Variants in ACSBG1 observed in about 807,000 individuals in gnomAD.
ACSBG1 encodes long-chain-fatty-acid--CoA ligase ACSBG1.
ACSBG1 carries 39 observed loss-of-function variants against 80.2 expected under a neutral mutation model. The observed-to-expected ratio is 0.49, with a 90% CI of 0.38 to 0.64. The LOEUF is 0.64. ACSBG1 is among the 30% of genes least tolerant of loss of function. The pLI is 0.00. For synonymous variants in ACSBG1, 392 were observed against 379.5 expected (o/e 1.03, Z -0.38); for missense variants, 828 against 966.4 (o/e 0.86, Z 1.90).
rs572882921 is a variant in ACSBG1 at position 78,212,549 on chromosome 15, G to A, written c.132-4447C>T. On this transcript the variant is annotated intron_variant, in intron 1 of 13. Coordinates refer to ENST00000258873, the MANE Select transcript of ACSBG1 (RefSeq NM_015162.5). ...GGAAGGTGGGCTCCTTGTTCCTTAC[G>A]CAGTCCTCAGGATGGAGCTGGCAGA... 210 of 455,906 alleles carry A rather than the reference G, an allele frequency of 4.6e-4. 5 individuals carry two copies. The highest frequency in any genetic ancestry group is 2.4e-3 in the South Asian group (152 of 64,558). 28.2% of individuals were successfully genotyped at this position (455,906 alleles called of 1,614,324 possible).
intron 9 of ACSBG1, 47 bp from the exon 10 acceptor site, chr15:78,179,827 AC>A: frequency 3.1e-6 from 4 of 1,297,380 alleles, no homozygotes; most frequent in Non-Finnish European, 4.4e-6. Context: ...ACACACACAC[AC>A]ACACACACAC....
intron 1 of ACSBG1, among the ~76,000 whole-genome samples, chr15:78,228,748 A>G (rs2075423777): frequency 6.6e-6 from 1 of 152,156 alleles, no homozygotes; most frequent in African/African-American, 2.4e-5. Context: ...ATAGTCCCAA[A>G]TCTGCCCTGT....
intron 1 of ACSBG1, among the ~76,000 whole-genome samples, chr15:78,217,691 C>T (rs1423828292): frequency 3.9e-5 from 6 of 152,098 alleles, no homozygotes; most frequent in Admixed American, 1.3e-4. Context: ...CTCAGCTCCC[C>T]GAGTAGCTGG....
Position 78,208,101 on chromosome 15 carries a change from A to G in ACSBG1, c.133T>C (p.Ser45Pro). The G allele has an allele frequency of 6.2e-7, 1 of 1,613,278 alleles. No individual in the cohort carries two copies. Among genetic ancestry groups the G allele is most frequent in the Non-Finnish European group, 8.5e-7 (1 of 1,179,582 alleles). ...GAGAGTGGCTGCCTGTCAGTCAGTG[A>G]GCTGGGGTGGTGAGGGGACCAGGAA... Reference protein sequence around the residue: ...RTTQEKLKTSSLTDRQPLSKE... With the variant: ...RTTQEKLKTSPLTDRQPLSKE... Residue 45 changes from serine (S) to proline (P), a missense_variant and splice_region_variant, in exon 2 of 14, where the codon TCA becomes CCA. Transcript: ENST00000258873.
At position 78,177,456 on chromosome 15, in the gene ACSBG1, C is replaced by A; in HGVS notation, c.1702+1158G>T. Among the ~76,000 whole-genome samples the A allele has an allele frequency of 6.6e-6, 1 of 152,330 alleles. No homozygotes were observed. Among genetic ancestry groups the A allele is most frequent in the South Asian group, 2.1e-4 (1 of 4,826 alleles). ...ACCCTTACCTCTCACTATACTAGTT[C>A]TAAAAGGAGGGCCGGCTCTGGTTGA... On this transcript the variant is annotated intron_variant, in intron 11 of 13. Coordinates refer to ENST00000258873, the MANE Select transcript of ACSBG1 (RefSeq NM_015162.5). The surrounding 1 kb of genome is among the most constrained non-coding windows in gnomAD (Gnocchi z 4.1).
At chr15:78,173,240 G>A (rs977478381) in intron 13 of ACSBG1, among the ~76,000 whole-genome samples, 1 of 150,022 alleles carries the variant, frequency 6.7e-6, no homozygotes, top group Admixed American at 6.7e-5. Flanking sequence ...AGCTACTCGG[G>A]AGGCTGAGGC....
rs1017878522 is a variant in ACSBG1 at position 78,178,856 on chromosome 15, T to C, written c.1485-25A>G. On this transcript the variant is annotated intron_variant, in intron 10 of 13. Coordinates refer to ENST00000258873, the MANE Select transcript of ACSBG1 (RefSeq NM_015162.5). This position sits in a 1 kb window ranked among gnomAD's most constrained non-coding sequence, Gnocchi z 4.3. ...GCTGGCGAGGGAGGGGCCGGGAGACTGGTCAGAGGGAGCCGTCTCCTCCAA... is the reference window on the plus strand; with the variant it reads ...GCTGGCGAGGGAGGGGCCGGGAGACCGGTCAGAGGGAGCCGTCTCCTCCAA... The C allele has an allele frequency of 2.5e-6, 4 of 1,582,866 alleles. No individual in the cohort carries two copies. In the Admixed American group the frequency reaches 7.0e-5, roughly 28 times the overall value.
chr15:78,199,883 C>T (rs2075151186), intron 2 of ACSBG1, among the ~76,000 whole-genome samples: 1 of 152,084 alleles, frequency 6.6e-6, no homozygotes, highest in Non-Finnish European at 1.5e-5. Flanking sequence ...ATTAACATGC[C>T]TGCCTCATTG....
chr15:78,218,246 C>T (rs1221324906), intron 1 of ACSBG1, among the ~76,000 whole-genome samples: 1 of 148,756 alleles, frequency 6.7e-6, no homozygotes, highest in Non-Finnish European at 1.5e-5. Flanking sequence ...CTGCCTATTC[C>T]TCAGACTCCA....
rs201005168 is a variant in ACSBG1 at position 78,234,456 on chromosome 15, G to A, written c.46C>T (p.Pro16Ser). 1.9e-6 allele frequency: 3 copies of A among 1,612,906 alleles called. No individual in the cohort carries two copies. In the East Asian group the frequency reaches 6.7e-5, roughly 36 times the overall value. ...GAGYGCPHGD[P>S]SMLDSRETPQ... ...GTCTCTCTGCTGTCCAGCATGCTGG[G>A]GTCCCCGTGTGGGCAGCCGTATCCA... The change falls in exon 1 of 14, where the codon CCC becomes TCC. Residue 16 changes from proline (P) to serine (S), a missense_variant. By Grantham distance (74) the Pro-to-Ser change is moderately conservative (BLOSUM62 -1). Transcript: ENST00000258873.
intron 1 of ACSBG1, among the ~76,000 whole-genome samples, chr15:78,215,162 ACCTCT>A (rs2075297305): frequency 6.6e-6 from 1 of 151,964 alleles, no homozygotes. Flanking sequence ...AGGAATTCAG[ACCTCT>A]CCTTTGTCCT....
intron 1 of ACSBG1, among the ~76,000 whole-genome samples, chr15:78,228,215 T>G (rs936224304): frequency 2.0e-5 from 3 of 152,128 alleles, no homozygotes; most frequent in African/African-American, 4.8e-5. Context: ...GAGCCAGAAT[T>G]GTCTGGGTAG....
Position 78,178,494 on chromosome 15 carries a change from G to T in ACSBG1, c.1702+120C>A, listed in dbSNP as rs1188017508. The T allele has an allele frequency of 9.1e-6, 10 of 1,103,884 alleles. No individual in the cohort carries two copies. Among genetic ancestry groups the T allele is most frequent in the Non-Finnish European group, 1.3e-5 (10 of 797,988 alleles). The allele number at this position is 1,103,884 out of a possible 1,614,324, so 68.4% of individuals were successfully genotyped here. On this transcript the variant is annotated intron_variant, in intron 11 of 13. Transcript: ENST00000258873. The surrounding 1 kb of genome is among the most constrained non-coding windows in gnomAD (Gnocchi z 4.3). ...TTCGTGTGTTTTTAGTAGAGATGGG[G>T]TTTCGCTGTGCTGCCCAGGGTGGTC...
chr15:78,202,263 T>C (rs1245865101), intron 2 of ACSBG1, among the ~76,000 whole-genome samples: 1 of 152,050 alleles, frequency 6.6e-6, no homozygotes, highest in Non-Finnish European at 1.5e-5. Context: ...CAGGCTGGAG[T>C]GCTGTGGCAC....
rs3087998 is a variant in ACSBG1 at position 78,170,176 on chromosome 15, C to T, written c.*1268G>A. 35,699 of 152,066 alleles carry T rather than the reference C, an allele frequency of 0.23. 4,919 individuals carry two copies. Among genetic ancestry groups the T allele is most frequent in the Non-Finnish European group, 0.32 (21,786 of 67,974 alleles). The allele number at this position is 152,066 out of a possible 1,614,324, so 9.4% of individuals were successfully genotyped here. A position where few individuals can be genotyped will look rare whatever the true frequency, so the allele number is the denominator to read the frequency against. On this transcript the variant is annotated 3_prime_UTR_variant, in exon 14 of 14. Transcript: ENST00000258873. ...CTTTTGACCCTCAGGCATCTCCTTTCCCTTCCTGTCTTCCTCTCCCTTCTC... is the reference window on the plus strand; with the variant it reads ...CTTTTGACCCTCAGGCATCTCCTTTTCCTTCCTGTCTTCCTCTCCCTTCTC...
At chr15:78,182,993 C>A (rs2074964625) in intron 5 of ACSBG1, 1 of 596,656 alleles carries the variant, frequency 1.7e-6, no homozygotes, top group Non-Finnish European at 3.0e-6. Context: ...AGCCAGGGGA[C>A]TGGGGATGAC....
intron 10 of ACSBG1, 172 bp from the exon 11 acceptor site, chr15:78,179,003 G>C: frequency 3.2e-6 from 2 of 634,652 alleles, no homozygotes; most frequent in Non-Finnish European, 5.4e-6. Context: ...GCCAAGTAAA[G>C]GGTTTTAGGG....
At position 78,209,314 on chromosome 15, in the gene ACSBG1, G is replaced by A. The variant is rs2075247808; in HGVS notation, c.132-1212C>T. The A allele has an allele frequency of 8.9e-6, 4 of 450,634 alleles. No homozygotes were observed. In the Middle Eastern group the frequency reaches 1.4e-3, roughly 154 times the overall value. 27.9% of individuals were successfully genotyped at this position (450,634 alleles called of 1,614,324 possible). ...GAAGGGAGGGGGACGGGGAGAAGGG[G>A]GATGACTGGGGAACCAAGGTGGCGC... On this transcript the variant is annotated intron_variant, in intron 1 of 13. Coordinates refer to ENST00000258873, the MANE Select transcript of ACSBG1 (RefSeq NM_015162.5).
At chr15:78,173,973 T>A in intron 12 of ACSBG1, 134 bp from the exon 13 acceptor site, 1 of 1,091,778 alleles carries the variant, frequency 9.2e-7, no homozygotes, top group Non-Finnish European at 1.3e-6. Context: ...GGTTCTAGAA[T>A]GAGTAGCTGC....
Sources: gnomAD v4.1 joint callset for allele counts (sites outside exome capture counted in the v4.1 genomes callset) on GRCh38, gnomAD v4.1.1 for gene constraint, Gnocchi (gnomAD v3.1) non-coding constraint, MANE v1.5 for transcripts, NCBI Gene and HGNC (gene_info 2026-07-23, HGNC 2026-07-21) for gene names.